USH2A: variants seen among roughly 807,000 people sequenced by gnomAD.
The protein encoded by USH2A is Usher syndrome 2A (autosomal recessive, mild).
In USH2A, 443 loss-of-function variants were observed where a neutral mutation model predicts 538.9. The observed-to-expected ratio is 0.82, with a 90% CI of 0.76 to 0.89. USH2A has a LOEUF of 0.89. Among genes scored for constraint, USH2A ranks in the 40% least tolerant of loss-of-function variants. The pLI is 0.00. For synonymous variants in USH2A, 2,413 were observed against 2,273.5 expected, an observed-to-expected ratio of 1.06 and a Z score of -1.75; for missense variants, 6,633 against 6,324.8, an observed-to-expected ratio of 1.05 and a Z score of -1.65.
At chr1:215,652,852 A>G (rs1331332288) in intron 64 of USH2A, among the ~76,000 whole-genome samples, 2 of 152,218 alleles carry the variant, frequency 1.3e-5, no homozygotes, top group Non-Finnish European at 2.9e-5. Context: ...TTGGTTGGTG[A>G]TTTGAGCGCA....
Position 215,900,220 on chromosome 1 carries a change from G to C in USH2A, c.7452-3C>G. 1 of 1,613,172 alleles carries C rather than the reference G, an allele frequency of 6.2e-7. No individual in the cohort carries two copies. The highest frequency in any genetic ancestry group is 1.3e-5 in the African/African-American group (1 of 74,980). ...ATGCAGAAGGATTGGAAAATAACCTGTATGGGAAATAAATGTCAATTAGGA... is the reference window on the plus strand; with the variant it reads ...ATGCAGAAGGATTGGAAAATAACCTCTATGGGAAATAAATGTCAATTAGGA... On this transcript the variant is annotated splice_polypyrimidine_tract_variant and splice_region_variant and intron_variant, in intron 39 of 71. Transcript: ENST00000307340.
At chr1:216,184,156 C>T (rs900962769) in intron 20 of USH2A, among the ~76,000 whole-genome samples, 1 of 152,010 alleles carries the variant, frequency 6.6e-6, no homozygotes, top group African/African-American at 2.4e-5. Flanking sequence ...GACTACTTTA[C>T]ACTTCCTTAA....
intron 35 of USH2A, among the ~76,000 whole-genome samples, chr1:215,975,926 G>A (rs1667610399): frequency 6.6e-6 from 1 of 152,094 alleles, no homozygotes; most frequent in South Asian, 2.1e-4. Context: ...CCATTTTAGT[G>A]ATTATTGATT....
At chr1:216,102,073 AT>A (rs1396828646) in intron 21 of USH2A, among the ~76,000 whole-genome samples, 1 of 152,220 alleles carries the variant, frequency 6.6e-6, no homozygotes, top group East Asian at 1.9e-4. Flanking sequence ...CCATGTTAGA[AT>A]TAACAACTTT....
chr1:215,756,904 G>C (rs1315960615), intron 58 of USH2A, among the ~76,000 whole-genome samples: 1 of 150,868 alleles, frequency 6.6e-6, no homozygotes, highest in Non-Finnish European at 1.5e-5. Flanking sequence ...CAGAGAGAGA[G>C]ACCCGGTCTC....
Position 216,198,530 on chromosome 1 carries a change from G to T in USH2A, c.3866C>A (p.Thr1289Asn), listed in dbSNP as rs1163027553. 2 of 1,613,880 alleles carry T rather than the reference G, an allele frequency of 1.2e-6. No individual in the cohort carries two copies. Among genetic ancestry groups the T allele is most frequent in the Non-Finnish European group, 1.7e-6 (2 of 1,179,936 alleles). ...YMRRLRSTKE[T>N]TSEESRVFQS... ...AAAAACTCGACTTTCCTCAGATGTG[G>T]TTTCTTTAGTAGATCTCAGTCTTCT... The change falls in exon 18 of 72, where the codon ACC (threonine) becomes AAC (asparagine). Residue 1289 changes from threonine to asparagine, a missense_variant. Thr to Asn is a moderately conservative substitution (Grantham distance 65). Transcript: ENST00000307340.
intron 21 of USH2A, chr1:216,174,288 G>A (rs2034329395): frequency 1.0e-6 from 1 of 978,054 alleles, no homozygotes; most frequent in Non-Finnish European, 1.2e-6. Context: ...ATCTTTATGA[G>A]TTTACATAAT....
At chr1:215,894,462 CAT>C (rs369638340) in intron 40 of USH2A, among the ~76,000 whole-genome samples, 7 of 152,278 alleles carry the variant, frequency 4.6e-5, no homozygotes, top group East Asian at 1.9e-4. Flanking sequence ...TTTTATACCA[CAT>C]GTTTCCTTCC....
intron 64 of USH2A, among the ~76,000 whole-genome samples, chr1:215,662,083 G>A (rs1295481881): frequency 6.6e-6 from 1 of 152,166 alleles, no homozygotes; most frequent in African/African-American, 2.4e-5. Flanking sequence ...AACATTGTAG[G>A]TGCTTAATAA....
At chr1:215,672,995 G>A (rs143760149) in intron 63 of USH2A, among the ~76,000 whole-genome samples, 133 of 152,314 alleles carry the variant, frequency 8.7e-4, no homozygotes, top group African/African-American at 2.8e-3. Flanking sequence ...GTTTTTGAAA[G>A]TTGGAGGTAC....
At chr1:215,998,786 CTTTT>C (rs140899702) in intron 34 of USH2A, 97 bp downstream of exon 34, 5 of 1,095,366 alleles carry the variant, frequency 4.6e-6, no homozygotes, top group African/African-American at 1.6e-5. Flanking sequence ...AAGATTTTGA[CTTTT>C]TTTTTTTTAA....
At chr1:216,116,981 C>T (rs2033023043) in intron 21 of USH2A, among the ~76,000 whole-genome samples, 1 of 152,094 alleles carries the variant, frequency 6.6e-6, no homozygotes, top group Admixed American at 6.6e-5. Context: ...GGGGGTGCTC[C>T]TGAGGGAAGC....
At chr1:216,125,451 A>G (rs543605413) in intron 21 of USH2A, among the ~76,000 whole-genome samples, 1 of 152,322 alleles carries the variant, frequency 6.6e-6, no homozygotes, top group South Asian at 2.1e-4. Flanking sequence ...AGATGCATGC[A>G]TAAAGAAAAT....
intron 26 of USH2A, among the ~76,000 whole-genome samples, chr1:216,080,552 A>T (rs1235577269): frequency 3.3e-5 from 5 of 152,068 alleles, no homozygotes; most frequent in Non-Finnish European, 7.4e-5. Flanking sequence ...TGGCAATAAC[A>T]AAAGTAACCA....
intron 35 of USH2A, among the ~76,000 whole-genome samples, chr1:215,980,103 T>C (rs1360278746): frequency 6.6e-6 from 1 of 152,182 alleles, no homozygotes; most frequent in Non-Finnish European, 1.5e-5. Flanking sequence ...AATTAAAAAA[T>C]ACTGTTGTGC....
chr1:216,371,143 G>T (rs2038706784), intron 3 of USH2A, among the ~76,000 whole-genome samples: 1 of 152,144 alleles, frequency 6.6e-6, no homozygotes, highest in African/African-American at 2.4e-5. Context: ...GAACCCAAAG[G>T]TATCTCCTTA....
chr1:215,791,442 T>C (rs1661978509), intron 50 of USH2A, among the ~76,000 whole-genome samples: 1 of 152,190 alleles, frequency 6.6e-6, no homozygotes, highest in Admixed American at 6.5e-5. Flanking sequence ...TTAAAAAAAA[T>C]CATTGAAAGT....
intron 30 of USH2A, among the ~76,000 whole-genome samples, chr1:216,053,154 G>A (rs1022896993): frequency 6.6e-6 from 1 of 152,106 alleles, no homozygotes; most frequent in Non-Finnish European, 1.5e-5. Context: ...GTTTGCATAC[G>A]GGCCAAGTAG....
In USH2A at chr1:215,680,201, C is replaced by G; in HGVS notation, c.12242G>C (p.Arg4081Pro). The G allele has an allele frequency of 6.2e-7, 1 of 1,614,106 alleles. No homozygotes were observed. The highest frequency in any genetic ancestry group is 8.5e-7 in the Non-Finnish European group (1 of 1,179,998). Residue 4081 changes from arginine to proline, a missense_variant, in exon 62 of 72, where the codon CGG becomes CCG. Physicochemically the swap from Arg to Pro is moderately radical, Grantham distance 103. Transcript: ENST00000307340. The stretch of plus-strand genomic sequence containing the variant: ...TTCTGACCACTGTAGTAGCAATGCC[C>G]GGCCATTCTCTTTCTGTTCTACTAT... ...NFIVEQKENG[R>P]ALLLQWSEPM...
Sources: allele counts gnomAD v4.1 joint callset (sites outside exome capture counted in the v4.1 genomes callset), GRCh38; gene constraint gnomAD v4.1.1; transcripts MANE v1.5; gene names NCBI Gene and HGNC (gene_info 2026-07-23, HGNC 2026-07-21).